STK33: variants seen among roughly 807,000 people sequenced by gnomAD.
STK33 encodes serine/threonine kinase 33.
STK33 carries 52 observed loss-of-function variants against 58.0 expected under a neutral mutation model. The ratio of observed to expected loss-of-function variants is 0.90; its 90% confidence interval spans 0.72 to 1.13. The LOEUF (loss-of-function observed/expected upper bound fraction) is 1.13. Ranked by LOEUF, STK33 falls within the 50% of genes most tolerant of loss-of-function variation. The pLI is 0.00. For missense variants in STK33, 630 were observed against 604.2 expected, an observed-to-expected ratio of 1.04 and a Z score of -0.45; for synonymous variants, 215 against 200.1, an observed-to-expected ratio of 1.07 and a Z score of -0.63.
Position 8,424,026 on chromosome 11 carries a change from T to G in STK33, c.1147-10334A>C, listed in dbSNP as rs2135961583. Among the ~76,000 whole-genome samples, 3 of 152,096 alleles carry G rather than the reference T, an allele frequency of 2.0e-5. No homozygotes were observed. The Middle Eastern group carries it at 0.01, about 521-fold the overall frequency. ...ATTATACTTTAAGTTTTAGGGTACA[T>G]GTGCACATTGTGCAGGTTTGTTACA... On this transcript the variant is annotated intron_variant, in intron 14 of 15. Coordinates refer to ENST00000687296, the MANE Select transcript of STK33 (RefSeq NM_001352389.2).
chr11:8,524,920 A>G (rs2139968707), intron 1 of STK33, among the ~76,000 whole-genome samples: 1 of 152,152 alleles, frequency 6.6e-6, no homozygotes, highest in Admixed American at 6.5e-5. Flanking sequence ...TATAGCATAC[A>G]CTGCAGTGAT....
chr11:8,340,936 G>A, the STK33 span, among the ~76,000 whole-genome samples: 1 of 152,204 alleles, frequency 6.6e-6, no homozygotes, highest in Non-Finnish European at 1.5e-5. Flanking sequence ...TTGGCTCACT[G>A]CAACCTCCGC....
chr11:8,456,315 T>C (rs1946855584), intron 9 of STK33, among the ~76,000 whole-genome samples: 1 of 152,252 alleles, frequency 6.6e-6, no homozygotes, highest in Admixed American at 6.5e-5. Context: ...TTCCTGACTT[T>C]CCAAGCCAAA....
In STK33 at chr11:8,588,533, T is replaced by C. The variant is rs575008687; in HGVS notation, c.-466+5550A>G. ...ATCATAAACAAAACTTAACTCAAAA[T>C]GGATCCAAAATCTAAATATAAGAGC... On this transcript the variant is annotated intron_variant, in intron 1 of 15. Coordinates refer to ENST00000687296, the MANE Select transcript of STK33 (RefSeq NM_001352389.2). Among the ~76,000 whole-genome samples, 113 of 152,298 alleles carry C rather than the reference T, an allele frequency of 7.4e-4. 1 individual carries two copies. In the South Asian group the frequency reaches 0.016, roughly 21 times the overall value.
chr11:8,457,157 T>A lies in STK33; in HGVS notation c.697+184A>T, dbSNP rs541954049. On this transcript the variant is annotated intron_variant, in intron 9 of 15. Transcript: ENST00000687296. ...AAAAATGTTCATAATTTCATCTTCG[T>A]TCATATTTCTAATTAAAACATATCT... Among the ~76,000 whole-genome samples, 6 of 152,238 alleles carry A rather than the reference T, an allele frequency of 3.9e-5. No homozygotes were observed. The South Asian group carries it at 1.2e-3, about 32-fold the overall frequency.
chr11:8,383,721 A>T, the STK33 span, among the ~76,000 whole-genome samples: 1 of 152,180 alleles, frequency 6.6e-6, no homozygotes, highest in Non-Finnish European at 1.5e-5. Flanking sequence ...ATTTCATGTC[A>T]TTCCACTCCA....
chr11:8,454,665 G>A (rs1946637199), intron 10 of STK33, 79 bp downstream of exon 10: 6 of 1,447,424 alleles, frequency 4.1e-6, no homozygotes, highest in Admixed American at 2.8e-5. Context: ...AGCAACATGT[G>A]TCTAAAAAGA....
chr11:8,585,883 C>T (rs2031497603), intron 1 of STK33, among the ~76,000 whole-genome samples: 1 of 152,140 alleles, frequency 6.6e-6, no homozygotes, highest in African/African-American at 2.4e-5. Context: ...GGTAAAACCT[C>T]GTCCTACTAA....
intron 1 of STK33, among the ~76,000 whole-genome samples, chr11:8,517,184 G>A (rs918921457): frequency 6.6e-6 from 1 of 152,194 alleles, no homozygotes; most frequent in African/African-American, 2.4e-5. Flanking sequence ...AACATTTGCT[G>A]TTCTGCAGCC....
chr11:8,464,826 G>GAT lies in STK33; in HGVS notation c.340-5_340-4insAT. ...TTCTTCCAAAGGTATAGATTTCCTG[G>GAT]AGAAAAAAAAAAAAAGAGTTGTCTC... On this transcript the variant is annotated splice_region_variant and splice_polypyrimidine_tract_variant and intron_variant, in intron 6 of 15. Transcript: ENST00000687296. 11 of 1,460,926 alleles carry GAT rather than the reference G, an allele frequency of 7.5e-6. No individual in the cohort carries two copies. Among genetic ancestry groups the GAT allele is most frequent in the Middle Eastern group, 1.8e-4 (1 of 5,580 alleles). 90.5% of individuals were successfully genotyped at this position (1,460,926 alleles called of 1,614,324 possible). A position where few individuals can be genotyped will look rare whatever the true frequency, so the allele number is the denominator to read the frequency against.
the STK33 span, among the ~76,000 whole-genome samples, chr11:8,385,759 T>A: frequency 1.3e-5 from 2 of 151,732 alleles, no homozygotes; most frequent in Admixed American, 1.3e-4. Context: ...AATGAATGAC[T>A]GAGTCTCTCA....
chr11:8,381,200 T>C, the STK33 span, among the ~76,000 whole-genome samples: 16 of 152,220 alleles, frequency 1.1e-4, no homozygotes, highest in Admixed American at 3.3e-4. Context: ...AATCTCAGAT[T>C]TCATCACTGT....
intron 14 of STK33, chr11:8,433,966 TG>T (rs1343805049): frequency 6.5e-6 from 1 of 153,190 alleles, no homozygotes; most frequent in African/African-American, 2.4e-5. Flanking sequence ...GGCTCACACC[TG>T]TAATCCCAGC....
At chr11:8,517,209 C>A (rs1330393360) in intron 1 of STK33, among the ~76,000 whole-genome samples, 1 of 152,140 alleles carries the variant, frequency 6.6e-6, no homozygotes, top group African/African-American at 2.4e-5. Context: ...CTGGTGATAC[C>A]CAAGCAAACA....
intron 10 of STK33, among the ~76,000 whole-genome samples, chr11:8,453,495 G>A (rs930739079): frequency 2.0e-5 from 3 of 152,080 alleles, no homozygotes; most frequent in African/African-American, 7.2e-5. Context: ...ACTACAACAA[G>A]CATATTAACA....
chr11:8,356,225 G>T, the STK33 span, among the ~76,000 whole-genome samples: 1 of 152,218 alleles, frequency 6.6e-6, no homozygotes, highest in Admixed American at 6.5e-5. Flanking sequence ...GCTCACCCCA[G>T]TGGGAACAGA....
chr11:8,382,752 G>A, the STK33 span, among the ~76,000 whole-genome samples: 1 of 152,220 alleles, frequency 6.6e-6, no homozygotes, highest in African/African-American at 2.4e-5. Flanking sequence ...AAGCAGGCCT[G>A]TAATTCGGTT....
the STK33 span, among the ~76,000 whole-genome samples, chr11:8,338,079 C>T: frequency 1.3e-5 from 2 of 152,248 alleles, no homozygotes; most frequent in Non-Finnish European, 2.9e-5. Context: ...TCAGCAGGGG[C>T]TTCTGCCCCT....
chr11:8,504,459 T>G (rs1951731587), intron 1 of STK33, among the ~76,000 whole-genome samples: 2 of 151,984 alleles, frequency 1.3e-5, no homozygotes, highest in South Asian at 4.2e-4. Context: ...TTTCAGGAAT[T>G]TTGAGATATA....
Sources: gnomAD v4.1 joint callset for allele counts (sites outside exome capture counted in the v4.1 genomes callset) on GRCh38, gnomAD v4.1.1 for gene constraint, MANE v1.5 for transcripts, NCBI Gene and HGNC (gene_info 2026-07-23, HGNC 2026-07-21) for gene names.